Variants in OTUD7A observed in about 807,000 individuals in gnomAD.
The protein encoded by OTUD7A is OTU domain-containing protein 7A.
OTUD7A carries 12 observed loss-of-function variants against 65.7 expected under a neutral mutation model. The ratio of observed to expected loss-of-function variants is 0.18; its 90% CI spans 0.12 to 0.30. OTUD7A has a LOEUF of 0.30. Ranked by LOEUF, OTUD7A falls within the 10% of genes least tolerant of loss-of-function variation. The pLI is 1.00. For missense variants in OTUD7A, 1,148 were observed against 1,304.8 expected (o/e 0.88, Z 1.85); for synonymous variants, 641 against 586.3 (o/e 1.09, Z -1.35).
chr15:31,853,593 A>G (rs946424180), intron 1 of OTUD7A, among the ~76,000 whole-genome samples: 3 of 152,242 alleles, frequency 2.0e-5, no homozygotes, highest in East Asian at 1.9e-4. Context: ...TGGATACAGA[A>G]GCATGGCCAC....
intron 1 of OTUD7A, among the ~76,000 whole-genome samples, chr15:31,727,739 C>T (rs1410121927): frequency 6.6e-6 from 1 of 152,146 alleles, no homozygotes; most frequent in African/African-American, 2.4e-5. Context: ...GTATTTGCCT[C>T]CTTGTGTTTG....
At chr15:31,512,549 A>T (rs2041771573) in intron 8 of OTUD7A, among the ~76,000 whole-genome samples, 1 of 152,226 alleles carries the variant, frequency 6.6e-6, no homozygotes, top group Non-Finnish European at 1.5e-5. Flanking sequence ...GGTCATTTAT[A>T]ACCTGACGTG....
chr15:31,568,756 AG>A (rs1358518730), intron 4 of OTUD7A, among the ~76,000 whole-genome samples: 1 of 152,190 alleles, frequency 6.6e-6, no homozygotes, highest in East Asian at 1.9e-4. Context: ...GTGATAAGTG[AG>A]CTCTCATTCT....
At chr15:31,648,341 G>C (rs1313830730) in intron 3 of OTUD7A, among the ~76,000 whole-genome samples, 1 of 152,198 alleles carries the variant, frequency 6.6e-6, no homozygotes, top group Non-Finnish European at 1.5e-5. Flanking sequence ...TCACAGAATA[G>C]ATCAAAGTTC....
At chr15:31,611,310 C>T (rs991162644) in intron 3 of OTUD7A, among the ~76,000 whole-genome samples, 8 of 152,048 alleles carry the variant, frequency 5.3e-5, no homozygotes, top group Admixed American at 2.0e-4. Context: ...AAGATCAGAG[C>T]AGAACTAAAT....
Position 31,739,691 on chromosome 15 carries a change from C to T in OTUD7A, c.-99-82614G>A, listed in dbSNP as rs114896303. Among the ~76,000 whole-genome samples the T allele has an allele frequency of 5.2e-3, 787 of 152,250 alleles. 6 individuals carry two copies. Among genetic ancestry groups the T allele is most frequent in the African/African-American group, 0.017 (700 of 41,542 alleles). ...TACTGCAACCTCCACCACCCAGAAT[C>T]AAGTGATTCTTGTGCCTCAGCCACC... is the stretch of plus-strand genomic sequence containing the variant. On this transcript the variant is annotated intron_variant, in intron 1 of 12. Coordinates refer to ENST00000307050, the MANE Select transcript of OTUD7A (RefSeq NM_001382637.1).
At chr15:31,708,687 T>G (rs1893362454) in intron 1 of OTUD7A, among the ~76,000 whole-genome samples, 1 of 152,160 alleles carries the variant, frequency 6.6e-6, no homozygotes, top group Admixed American at 6.5e-5. Context: ...CCAGGTTTAT[T>G]GGAGGAAGAG....
At chr15:31,561,784 T>TCACACACACA (rs3075495) in intron 4 of OTUD7A, among the ~76,000 whole-genome samples, 7,732 of 150,362 alleles carry the variant, frequency 0.051, 305 homozygotes, top group African/African-American at 0.1. Context: ...ACACACAGAG[T>TCACACACACA]CACACACACA....
chr15:31,550,241 C>G (rs1888277405), intron 5 of OTUD7A, among the ~76,000 whole-genome samples: 3 of 151,912 alleles, frequency 2.0e-5, no homozygotes, highest in Admixed American at 1.3e-4. Flanking sequence ...ATGACTGTAT[C>G]CCCCAGGTAT....
chr15:31,665,228 G>C (rs1165565956), intron 1 of OTUD7A, among the ~76,000 whole-genome samples: 1 of 152,284 alleles, frequency 6.6e-6, no homozygotes, highest in African/African-American at 2.4e-5. Flanking sequence ...GGATTGCACT[G>C]AATTTGTAGA....
chr15:31,742,282 T>A (rs1033649679), intron 1 of OTUD7A, among the ~76,000 whole-genome samples: 3 of 152,064 alleles, frequency 2.0e-5, no homozygotes, highest in African/African-American at 7.2e-5. Context: ...GGCAATCTCA[T>A]CCACAACGAT....
intron 1 of OTUD7A, among the ~76,000 whole-genome samples, chr15:31,844,238 G>A (rs190628739): frequency 2.0e-5 from 3 of 152,346 alleles, no homozygotes; most frequent in African/African-American, 7.2e-5. Flanking sequence ...TGGGTGCGGT[G>A]GCTCATGCCT....
At chr15:31,592,773 G>T (rs1229223829) in intron 3 of OTUD7A, among the ~76,000 whole-genome samples, 1 of 147,874 alleles carries the variant, frequency 6.8e-6, no homozygotes, top group Non-Finnish European at 1.5e-5. Context: ...CCAGCTACTT[G>T]CAAGGCTGAG....
chr15:31,640,790 T>C (rs1029589552), intron 3 of OTUD7A, among the ~76,000 whole-genome samples: 2 of 152,188 alleles, frequency 1.3e-5, no homozygotes, highest in Non-Finnish European at 2.9e-5. Flanking sequence ...GTTATTATAG[T>C]CAAGCACATT....
At chr15:31,734,650 G>A (rs1291305020) in intron 1 of OTUD7A, among the ~76,000 whole-genome samples, 6 of 151,998 alleles carry the variant, frequency 3.9e-5, no homozygotes, top group African/African-American at 7.3e-5. Flanking sequence ...AACAAGGAAC[G>A]TGTAAAAGAC....
chr15:31,686,507 C>T (rs1375974207), intron 1 of OTUD7A, among the ~76,000 whole-genome samples: 2 of 152,252 alleles, frequency 1.3e-5, no homozygotes, highest in Non-Finnish European at 2.9e-5. Flanking sequence ...CACTTCACTC[C>T]TCCCATAACC....
At chr15:31,658,519 T>G (rs917189394) in intron 1 of OTUD7A, among the ~76,000 whole-genome samples, 1 of 152,108 alleles carries the variant, frequency 6.6e-6, no homozygotes, top group Non-Finnish European at 1.5e-5. Flanking sequence ...AGGCCATGAC[T>G]GCAGGGACTC....
At chr15:31,718,721 A>C (rs1288173045) in intron 1 of OTUD7A, among the ~76,000 whole-genome samples, 2 of 130,482 alleles carry the variant, frequency 1.5e-5, no homozygotes, top group Non-Finnish European at 3.5e-5. Flanking sequence ...CCAACTTCTA[A>C]TGTTCCCGTC....
chr15:31,524,594 T>C (rs2041985502), intron 8 of OTUD7A, among the ~76,000 whole-genome samples: 1 of 139,278 alleles, frequency 7.2e-6, no homozygotes, highest in South Asian at 2.5e-4. Context: ...CATACCTTCC[T>C]GCCTCATCTC....
Sources: gnomAD v4.1 joint callset for allele counts (sites outside exome capture counted in the v4.1 genomes callset) on GRCh38, gnomAD v4.1.1 for gene constraint, MANE v1.5 for transcripts, NCBI Gene and HGNC (gene_info 2026-07-23, HGNC 2026-07-21) for gene names.